The following AKR1C8 variants were observed in gnomAD, a reference collection of about 807,000 sequenced individuals.
AKR1C8 encodes the protein aldo-keto reductase family 1 member C8, also known as aldo-keto reductase family 1 member C-like protein 1.
chr10:5,151,668 T>A, the AKR1C8 span, among the ~76,000 whole-genome samples: 1 of 150,562 alleles, frequency 6.6e-6, no homozygotes, highest in African/African-American at 2.4e-5. Context: ...GTGATTCTCC[T>A]ACCTCAGCCT....
the AKR1C8 span, among the ~76,000 whole-genome samples, chr10:5,116,046 G>A: frequency 6.6e-6 from 1 of 152,068 alleles, no homozygotes; most frequent in African/African-American, 2.4e-5. Flanking sequence ...CATTTTTGAA[G>A]GATCTGGGTC....
At chr10:5,176,621 T>C in the AKR1C8 span, among the ~76,000 whole-genome samples, 1 of 152,046 alleles carries the variant, frequency 6.6e-6, no homozygotes, top group Non-Finnish European at 1.5e-5. Context: ...CATGGAATGT[T>C]CTTCCATTTG....
At chr10:5,122,103 C>A in the AKR1C8 span, 2 of 361,382 alleles carry the variant, frequency 5.5e-6, no homozygotes, top group Non-Finnish European at 5.6e-6. Flanking sequence ...CTTAGCATGT[C>A]GGAGATTTCC....
the AKR1C8 span, among the ~76,000 whole-genome samples, chr10:5,140,967 T>C: frequency 6.6e-6 from 1 of 152,170 alleles, no homozygotes; most frequent in Non-Finnish European, 1.5e-5. Flanking sequence ...TTTGCCTCAT[T>C]GATAGACTTC....
chr10:5,146,971 T>C, the AKR1C8 span, among the ~76,000 whole-genome samples: 2 of 152,186 alleles, frequency 1.3e-5, no homozygotes, highest in African/African-American at 4.8e-5. Context: ...TATAAAGGCA[T>C]ACCCGAAGGT....
At chr10:5,157,561 A>G in the AKR1C8 span, 1 of 405,472 alleles carries the variant, frequency 2.5e-6, no homozygotes. Context: ...CACGTGTCGC[A>G]TTCTCCCATG....
chr10:5,137,434 A>T, the AKR1C8 span, among the ~76,000 whole-genome samples: 6 of 152,250 alleles, frequency 3.9e-5, no homozygotes, highest in Admixed American at 2.0e-4. Context: ...GGGATGCAAG[A>T]CTGGTTCAAC....
At chr10:5,145,541 A>G in the AKR1C8 span, among the ~76,000 whole-genome samples, 1 of 152,220 alleles carries the variant, frequency 6.6e-6, no homozygotes, top group Non-Finnish European at 1.5e-5. Context: ...GGCAAAGGAC[A>G]TGAACAGACA....
At chr10:5,123,495 G>A in the AKR1C8 span, 123,370 of 476,890 alleles carry the variant, frequency 0.26, 17,178 homozygotes, top group Middle Eastern at 0.4. Flanking sequence ...TTTGTTAGGC[G>A]GCTCCCTAAA....
the AKR1C8 span, among the ~76,000 whole-genome samples, chr10:5,145,651 C>A: frequency 1.3e-5 from 2 of 152,158 alleles, no homozygotes; most frequent in African/African-American, 2.4e-5. Context: ...CAGTGAGACA[C>A]CATCTCACAC....
At chr10:5,148,364 T>C in the AKR1C8 span, among the ~76,000 whole-genome samples, 1 of 152,086 alleles carries the variant, frequency 6.6e-6, no homozygotes, top group Admixed American at 6.6e-5. Flanking sequence ...ATTGATCTTA[T>C]TGTAAACCAA....
chr10:5,135,396 A>G, the AKR1C8 span, among the ~76,000 whole-genome samples: 1 of 152,204 alleles, frequency 6.6e-6, no homozygotes, highest in Admixed American at 6.5e-5. Context: ...CAGGCTATGA[A>G]GAAAATTGAA....
the AKR1C8 span, chr10:5,160,947 T>G: frequency 2.1e-6 from 1 of 466,220 alleles, no homozygotes; most frequent in Non-Finnish European, 4.4e-6. Flanking sequence ...TCCTTTCTGG[T>G]GCCTAAGGAG....
the AKR1C8 span, among the ~76,000 whole-genome samples, chr10:5,177,776 T>C: frequency 2.9e-3 from 440 of 152,322 alleles, 2 homozygotes; most frequent in African/African-American, 9.8e-3. Context: ...TAGAGGTGTT[T>C]GTAGTATTCT....
the AKR1C8 span, among the ~76,000 whole-genome samples, chr10:5,176,960 ACC>A: frequency 6.6e-6 from 1 of 151,988 alleles, no homozygotes; most frequent in African/African-American, 2.4e-5. Context: ...CCAATTGAAT[ACC>A]CTTTATTTCC....
At chr10:5,139,981 G>A in the AKR1C8 span, among the ~76,000 whole-genome samples, 1 of 152,084 alleles carries the variant, frequency 6.6e-6, no homozygotes, top group Admixed American at 6.6e-5. Context: ...CAAAAAGTGG[G>A]CAAAGGACAT....
chr10:5,122,402 A>G, the AKR1C8 span, among the ~76,000 whole-genome samples: 1 of 152,180 alleles, frequency 6.6e-6, no homozygotes, highest in Non-Finnish European at 1.5e-5. Flanking sequence ...GCACTCATCA[A>G]TCTAAAATAT....
At chr10:5,156,559 A>G in the AKR1C8 span, among the ~76,000 whole-genome samples, 2 of 76,518 alleles carry the variant, frequency 2.6e-5, no homozygotes, top group African/African-American at 7.3e-5. Flanking sequence ...TATCTAATGT[A>G]TTTATCTCTT....
At chr10:5,123,560 C>T in the AKR1C8 span, 8 of 704,962 alleles carry the variant, frequency 1.1e-5, no homozygotes, top group Non-Finnish European at 1.9e-5. Context: ...CCCTGAATAA[C>T]AGCAGCAGCA....
Sources: allele counts gnomAD v4.1 joint callset (sites outside exome capture counted in the v4.1 genomes callset), GRCh38; gene constraint gnomAD v4.1.1; transcripts MANE v1.5; gene names NCBI Gene and HGNC (gene_info 2026-07-23, HGNC 2026-07-21).